Variants in ARHGEF16 observed in about 807,000 individuals in gnomAD.
ARHGEF16 encodes Rho guanine exchange factor (GEF) 16.
ARHGEF16 carries 59 observed loss-of-function variants against 74.1 expected under a neutral mutation model. The ratio of observed to expected loss-of-function variants is 0.80; its 90% CI spans 0.65 to 0.99. The LOEUF (loss-of-function observed/expected upper bound fraction) is 0.99. Among genes scored for constraint, ARHGEF16 ranks in the 50% least tolerant of loss-of-function variants. The pLI, the probability that ARHGEF16 is intolerant of heterozygous loss-of-function variation, is 0.00. For synonymous variants in ARHGEF16, 415 were observed against 412.6 expected (o/e 1.01, Z -0.07); for missense variants, 948 against 986.6 (o/e 0.96, Z 0.52).
At chr1:3,479,213 C>T (rs1169184104) in intron 12 of ARHGEF16, among the ~76,000 whole-genome samples, 1 of 152,182 alleles carries the variant, frequency 6.6e-6, no homozygotes, top group African/African-American at 2.4e-5. Context: ...GATGAGGATG[C>T]TGAGGCTGAG....
intron 2 of ARHGEF16, among the ~76,000 whole-genome samples, chr1:3,464,736 T>C (rs1639496566): frequency 6.6e-6 from 1 of 152,122 alleles, no homozygotes. Flanking sequence ...GGCTTCCCCA[T>C]GTGGAAGCAA....
intron 8 of ARHGEF16, chr1:3,474,166 T>C (rs1030704231): frequency 3.1e-5 from 6 of 192,360 alleles, no homozygotes; most frequent in African/African-American, 1.4e-4. Context: ...AATGCACACG[T>C]TTGCATACAT....
chr1:3,461,376 C>T (rs1018992318), intron 1 of ARHGEF16, among the ~76,000 whole-genome samples: 1 of 152,234 alleles, frequency 6.6e-6, no homozygotes, highest in Non-Finnish European at 1.5e-5. Context: ...CCCACCGTAC[C>T]TTCAGGAGGT....
intron 1 of ARHGEF16, among the ~76,000 whole-genome samples, chr1:3,456,705 A>G (rs1639274264): frequency 6.6e-6 from 1 of 152,242 alleles, no homozygotes; most frequent in Non-Finnish European, 1.5e-5. Flanking sequence ...CAGCGGGTGA[A>G]CGGGTGGCAG....
At chr1:3,465,436 T>A (rs1299224309) in intron 2 of ARHGEF16, among the ~76,000 whole-genome samples, 1 of 113,788 alleles carries the variant, frequency 8.8e-6, no homozygotes, top group African/African-American at 3.5e-5. Flanking sequence ...CAGCCAGACC[T>A]GGAGGCCGAA....
intron 1 of ARHGEF16, among the ~76,000 whole-genome samples, chr1:3,462,059 G>A (rs1031403289): frequency 2.0e-5 from 3 of 152,026 alleles, no homozygotes; most frequent in Non-Finnish European, 2.9e-5. Flanking sequence ...AGATGGGCTC[G>A]GGGGCACGCG....
At chr1:3,455,554 G>C (rs1204490035) in intron 1 of ARHGEF16, among the ~76,000 whole-genome samples, 3 of 152,220 alleles carry the variant, frequency 2.0e-5, no homozygotes, top group Non-Finnish European at 4.4e-5. Flanking sequence ...TGGGGGGACT[G>C]AGGGAGTGGC....
At chr1:3,465,434 C>T (rs559278174) in intron 2 of ARHGEF16, among the ~76,000 whole-genome samples, 29 of 151,964 alleles carry the variant, frequency 1.9e-4, no homozygotes, top group African/African-American at 6.5e-4. Flanking sequence ...TCCAGCCAGA[C>T]CTGGAGGCCG....
chr1:3,472,230 G>A (rs982745546), intron 6 of ARHGEF16, among the ~76,000 whole-genome samples: 3 of 152,348 alleles, frequency 2.0e-5, no homozygotes, highest in Non-Finnish European at 2.9e-5. Context: ...TCCAGCCACC[G>A]CCTCACACAG....
In ARHGEF16 at chr1:3,474,801, C is replaced by T. The variant is rs778544374; in HGVS notation, c.1380+19C>T. 7 of 1,611,022 alleles carry T rather than the reference C, an allele frequency of 4.3e-6. No individual in the cohort carries two copies. The highest frequency in any genetic ancestry group is 5.9e-6 in the Non-Finnish European group (7 of 1,178,394). ...CAGCAAGGTAAGATGGGGCCTGGCC[C>T]CAGCCCTACCCGAGTCCTGTACCCC... On this transcript the variant is annotated intron_variant, in intron 9 of 14. Transcript: ENST00000378378.
rs1013540948 is a variant in ARHGEF16, at chr1:3,463,173, A to G, written c.89A>G (p.Asn30Ser). Residue 30 changes from asparagine to serine, a missense_variant, in exon 2 of 15, where the codon AAC (asparagine) becomes AGC (serine). Transcript: ENST00000378378. ...HSELRLDAGG[N>S]PASGLPMVRG... ...GAGCTCCGGCTCGATGCCGGGGGGA[A>G]CCCAGCCTCCGGGCTCCCAATGGTC... The G allele has an allele frequency of 3.9e-6, 6 of 1,523,828 alleles. No homozygotes were observed. The highest frequency in any genetic ancestry group is 4.2e-5 in the Admixed American group (2 of 47,948). The allele number at this position is 1,523,828 out of a possible 1,614,324, so 94.4% of individuals were successfully genotyped here.
chr1:3,455,857 G>T (rs1156362153), intron 1 of ARHGEF16, among the ~76,000 whole-genome samples: 1 of 152,168 alleles, frequency 6.6e-6, no homozygotes, highest in Non-Finnish European at 1.5e-5. Flanking sequence ...GGACTAGTAG[G>T]AGTGTTGAGT....
At position 3,479,726 on chromosome 1, in the gene ARHGEF16, G is replaced by A. The variant is rs575635676; in HGVS notation, c.1889-86G>A. On this transcript the variant is annotated intron_variant, in intron 13 of 14. Coordinates refer to ENST00000378378, the MANE Select transcript of ARHGEF16 (RefSeq NM_014448.4). ...TCGGGGGATGGGGTGCCCCGGCCCCGGGGGATGTGTCTGCTGGAGGCCGTT... is the reference window on the plus strand; with the variant it reads ...TCGGGGGATGGGGTGCCCCGGCCCCAGGGGATGTGTCTGCTGGAGGCCGTT... 75 of 1,560,674 alleles carry A rather than the reference G, an allele frequency of 4.8e-5. No homozygotes were observed. The African/African-American group carries it at 8.0e-4, about 17-fold the overall frequency.
At chr1:3,479,321 C>T (rs1309979820) in intron 12 of ARHGEF16, among the ~76,000 whole-genome samples, 196 bp from the exon 13 acceptor site, 1 of 152,170 alleles carries the variant, frequency 6.6e-6, no homozygotes, top group East Asian at 1.9e-4. Context: ...TGTGTGGCCA[C>T]TACCCAACTC....
chr1:3,462,093 T>C (rs1233501266), intron 1 of ARHGEF16, among the ~76,000 whole-genome samples: 2 of 139,042 alleles, frequency 1.4e-5, no homozygotes, highest in East Asian at 4.2e-4. Flanking sequence ...CGGGCAGGAG[T>C]GTGGCGGGGG....
intron 2 of ARHGEF16, among the ~76,000 whole-genome samples, chr1:3,465,535 A>G (rs1410678842): frequency 6.6e-6 from 1 of 152,186 alleles, no homozygotes; most frequent in Non-Finnish European, 1.5e-5. Flanking sequence ...ACACACTCCC[A>G]ACCAGTAAGG....
intron 13 of ARHGEF16, 86 bp from the exon 14 acceptor site, chr1:3,479,726 G>C (rs575635676): frequency 2.6e-5 from 40 of 1,560,554 alleles, no homozygotes; most frequent in Non-Finnish European, 3.3e-5. Context: ...CCCCGGCCCC[G>C]GGGGATGTGT....
At position 3,478,725 on chromosome 1, in the gene ARHGEF16, C is replaced by A; in HGVS notation, c.1814+113C>A. On this transcript the variant is annotated intron_variant, in intron 12 of 14. Transcript: ENST00000378378. ...TGCATGGCTGGCTCTGAACGCCCAC[C>A]GTGCACCTGGCCCTGCTGTAGGTGC... is the stretch of plus-strand genomic sequence containing the variant. The A allele has an allele frequency of 4.1e-6, 5 of 1,232,222 alleles. No individual in the cohort carries two copies. The East Asian group carries it at 7.7e-5, about 19-fold the overall frequency. 76.3% of individuals were successfully genotyped at this position (1,232,222 alleles called of 1,614,324 possible). A position where few individuals can be genotyped will look rare whatever the true frequency, so the allele number is the denominator to read the frequency against.
chr1:3,479,979 C>A, intron 14 of ARHGEF16, 66 bp downstream of exon 14: 1 of 1,513,910 alleles, frequency 6.6e-7, no homozygotes, highest in Non-Finnish European at 9.1e-7. Flanking sequence ...CAGCGTCCAG[C>A]CTGGCCAGGT....
Sources: gnomAD v4.1 joint callset for allele counts (sites outside exome capture counted in the v4.1 genomes callset) on GRCh38, gnomAD v4.1.1 for gene constraint, MANE v1.5 for transcripts, NCBI Gene and HGNC (gene_info 2026-07-23, HGNC 2026-07-21) for gene names.